SCP2: variants seen among roughly 807,000 people sequenced by gnomAD.
The protein encoded by SCP2 is sterol carrier protein 2.
A neutral mutation model predicts 71.4 loss-of-function variants in SCP2; 48 were observed. The observed-to-expected ratio is 0.67, with a 90% CI of 0.53 to 0.86. The LOEUF is 0.86. Ranked by LOEUF, SCP2 falls within the 40% of genes least tolerant of loss-of-function variation. The pLI, the probability that SCP2 is intolerant of heterozygous loss-of-function variation, is 0.00. For synonymous variants in SCP2, 220 were observed against 218.1 expected (o/e 1.01, Z -0.08); for missense variants, 560 against 655.6 (o/e 0.85, Z 1.59).
chr1:53,050,822 T>G lies in SCP2; in HGVS notation c.*118T>G, dbSNP rs1664154749. ...ATTGGCAAATAGCGTGGGATAGATT[T>G]GTTTCTTAATGGGTGTGACCAATCC... On this transcript the variant is annotated 3_prime_UTR_variant, in exon 16 of 16. Coordinates refer to ENST00000371514, the MANE Select transcript of SCP2 (RefSeq NM_002979.5). The G allele has an allele frequency of 1.3e-6, 1 of 768,566 alleles. No homozygotes were observed. Among genetic ancestry groups the G allele is most frequent in the Admixed American group, 1.8e-5 (1 of 54,570 alleles). The allele number at this position is 768,566 out of a possible 1,614,324, so 47.6% of individuals were successfully genotyped here. A position where few individuals can be genotyped will look rare whatever the true frequency, so the allele number is the denominator to read the frequency against.
chr1:53,029,327 G>C (rs1662360362), intron 13 of SCP2, among the ~76,000 whole-genome samples: 1 of 148,176 alleles, frequency 6.7e-6, no homozygotes, highest in Non-Finnish European at 1.5e-5. Context: ...GCAGTGGCAT[G>C]ATCACGGCTC....
intron 4 of SCP2, among the ~76,000 whole-genome samples, chr1:52,954,158 A>AC (rs1313977958): frequency 6.6e-6 from 1 of 151,462 alleles, no homozygotes; most frequent in African/African-American, 2.4e-5. Flanking sequence ...AAAATAAAAA[A>AC]ATTAGCTGAA....
intron 11 of SCP2, chr1:52,995,577 C>A: frequency 2.1e-6 from 1 of 486,326 alleles, no homozygotes. Flanking sequence ...AGTGCCCAAA[C>A]TCATCAGGTA....
chr1:52,939,128 G>C (rs1653984489), intron 1 of SCP2, among the ~76,000 whole-genome samples: 1 of 152,112 alleles, frequency 6.6e-6, no homozygotes, highest in Non-Finnish European at 1.5e-5. Flanking sequence ...TAGCTTGATA[G>C]CTCATTTCTT....
In SCP2 at chr1:52,927,351, C is replaced by A; in HGVS notation, c.-46C>A. The A allele has an allele frequency of 6.7e-7, 1 of 1,487,268 alleles. No individual in the cohort carries two copies. Among genetic ancestry groups the A allele is most frequent in the Non-Finnish European group, 9.2e-7 (1 of 1,089,356 alleles). 92.1% of individuals were successfully genotyped at this position (1,487,268 alleles called of 1,614,324 possible). A position where few individuals can be genotyped will look rare whatever the true frequency, so the allele number is the denominator to read the frequency against. Reference sequence around the variant, plus strand: ...TGGTGCAGTCTCCGCCTGTCAGTGCCGGCAGTCGTCCGCGGCGCCCGCCCC... The same window carrying A: ...TGGTGCAGTCTCCGCCTGTCAGTGCAGGCAGTCGTCCGCGGCGCCCGCCCC... On this transcript the variant is annotated 5_prime_UTR_variant, in exon 1 of 16. Coordinates refer to ENST00000371514, the MANE Select transcript of SCP2 (RefSeq NM_002979.5).
chr1:52,969,069 A>G (rs1338314747), intron 6 of SCP2, among the ~76,000 whole-genome samples: 4 of 151,128 alleles, frequency 2.6e-5, no homozygotes, highest in African/African-American at 9.7e-5. Flanking sequence ...TAGGCTGAGG[A>G]GGAAGGGGAA....
Position 52,961,569 on chromosome 1 carries a change from G to C in SCP2, c.463G>C (p.Ala155Pro), listed in dbSNP as rs1656452087. ...CCTGATCAATAAGTATGGATTGTCT[G>C]CTCACCCAGTTGCTCCTCAGATGTT... is the stretch of plus-strand genomic sequence containing the variant. ...DLLINKYGLSAHPVAPQMFGY... is the reference protein window; with the variant it reads ...DLLINKYGLSPHPVAPQMFGY... Residue 155 changes from alanine to proline, a missense_variant, in exon 6 of 16, where the codon GCT becomes CCT. Ala to Pro is a conservative substitution (Grantham distance 27). Coordinates refer to ENST00000371514, the MANE Select transcript of SCP2 (RefSeq NM_002979.5). The C allele has an allele frequency of 6.2e-7, 1 of 1,613,576 alleles. No homozygotes were observed. Among genetic ancestry groups the C allele is most frequent in the Non-Finnish European group, 8.5e-7 (1 of 1,179,580 alleles).
intron 11 of SCP2, chr1:52,994,293 C>T (rs891689682): frequency 1.0e-6 from 1 of 997,322 alleles, no homozygotes; most frequent in Non-Finnish European, 1.2e-6. Flanking sequence ...TCCTTTCAGA[C>T]AGCTTCCTTA....
chr1:52,962,309 A>G (rs1468587322), intron 6 of SCP2, among the ~76,000 whole-genome samples: 1 of 152,130 alleles, frequency 6.6e-6, no homozygotes, highest in African/African-American at 2.4e-5. Flanking sequence ...CTATATTCTC[A>G]GTCTATCCAT....
chr1:53,014,772 A>G, intron 11 of SCP2, 118 bp from the exon 12 acceptor site: 1 of 1,136,524 alleles, frequency 8.8e-7, no homozygotes, highest in Non-Finnish European at 1.3e-6. Flanking sequence ...AGAAGTTACT[A>G]TTTACACAAA....
chr1:52,976,998 G>A (rs1658032450), intron 8 of SCP2, among the ~76,000 whole-genome samples: 1 of 152,058 alleles, frequency 6.6e-6, no homozygotes, highest in African/African-American at 2.4e-5. Flanking sequence ...CTTCTTGCAG[G>A]ACTTCTACCT....
chr1:52,936,785 G>C (rs1443423830), intron 1 of SCP2, among the ~76,000 whole-genome samples: 1 of 152,052 alleles, frequency 6.6e-6, no homozygotes, highest in Non-Finnish European at 1.5e-5. Flanking sequence ...GTAAGAATCG[G>C]GATAGTAATT....
intron 11 of SCP2, among the ~76,000 whole-genome samples, chr1:53,002,592 G>T (rs1477972299): frequency 6.6e-6 from 1 of 152,106 alleles, no homozygotes; most frequent in Admixed American, 6.5e-5. Context: ...CCCATCTGTT[G>T]GGCCTTAGAT....
rs550402965 is a variant in SCP2 at position 52,970,851 on chromosome 1, A to G, written c.524-3918A>G. ...TTTCTTTTTCTTTTTTTTTTAACTT[A>G]TAGATAATTTGAAATTTGGCATTTT... On this transcript the variant is annotated intron_variant, in intron 6 of 15. Coordinates refer to ENST00000371514, the MANE Select transcript of SCP2 (RefSeq NM_002979.5). Among the ~76,000 whole-genome samples, 3 of 146,916 alleles carry G rather than the reference A, an allele frequency of 2.0e-5. No homozygotes were observed. In the East Asian group the frequency reaches 6.0e-4, roughly 29 times the overall value.
chr1:52,968,187 C>T lies in SCP2; in HGVS notation c.523+6558C>T, dbSNP rs910653672. On this transcript the variant is annotated intron_variant, in intron 6 of 15. Coordinates refer to ENST00000371514, the MANE Select transcript of SCP2 (RefSeq NM_002979.5). ...TAACTCCTGACCTCAGGTGATCGGCCCGTCTTGGCCTCCCAAAGTGCCAGA... is the reference window on the plus strand; with the variant it reads ...TAACTCCTGACCTCAGGTGATCGGCTCGTCTTGGCCTCCCAAAGTGCCAGA... Among the ~76,000 whole-genome samples, 12 of 152,238 alleles carry T rather than the reference C, an allele frequency of 7.9e-5. No homozygotes were observed. The East Asian group carries it at 1.9e-3, about 24-fold the overall frequency.
At chr1:52,986,886 G>T (rs1202012874) in intron 10 of SCP2, among the ~76,000 whole-genome samples, 3 of 150,314 alleles carry the variant, frequency 2.0e-5, no homozygotes, top group Non-Finnish European at 4.4e-5. Context: ...ATAATCTCTA[G>T]ATTACGTATA....
In SCP2 at chr1:52,992,510, A is replaced by G. The variant is rs145190021; in HGVS notation, c.1081+4374A>G. 1.1e-3 allele frequency among the ~76,000 whole-genome samples: 175 copies of G among 152,330 alleles called. 3 individuals are homozygous for G. In the East Asian group the frequency reaches 0.032, roughly 28 times the overall value. Reference sequence around the variant, plus strand: ...CGTGGCTGTGAAAAAGAGTTAAATTAAAAAACCAAGTACACTCAAATATCT... The same window carrying G: ...CGTGGCTGTGAAAAAGAGTTAAATTGAAAAACCAAGTACACTCAAATATCT... On this transcript the variant is annotated intron_variant, in intron 11 of 15. Coordinates refer to ENST00000371514, the MANE Select transcript of SCP2 (RefSeq NM_002979.5).
intron 11 of SCP2, chr1:52,993,379 C>G (rs1659676350): frequency 4.3e-6 from 7 of 1,614,218 alleles, no homozygotes; most frequent in Non-Finnish European, 5.9e-6. Context: ...GCCGTGCTAA[C>G]TGCCGTCCTT....
chr1:52,987,347 G>A lies in SCP2; in HGVS notation c.974-682G>A, dbSNP rs142416315. ...TCAAAGCTATTAGCTACCTTTGACA[G>A]CATTGCCACCATCATTACTATCATT... On this transcript the variant is annotated intron_variant, in intron 10 of 15. Coordinates refer to ENST00000371514, the MANE Select transcript of SCP2 (RefSeq NM_002979.5). Among the ~76,000 whole-genome samples, 24 of 152,234 alleles carry A rather than the reference G, an allele frequency of 1.6e-4. No individual in the cohort carries two copies. The East Asian group carries it at 4.2e-3, about 27-fold the overall frequency.
Sources: allele counts gnomAD v4.1 joint callset (sites outside exome capture counted in the v4.1 genomes callset), GRCh38; gene constraint gnomAD v4.1.1; transcripts MANE v1.5; gene names NCBI Gene and HGNC (gene_info 2026-07-23, HGNC 2026-07-21).